ANO7: variants seen among roughly 807,000 people sequenced by gnomAD.
ANO7 encodes the protein anoctamin 7.
ANO7 carries 114 observed loss-of-function variants against 115.8 expected under a neutral mutation model. The ratio of observed to expected loss-of-function variants is 0.98; its 90% CI spans 0.85 to 1.15. The LOEUF is 1.15. Among genes scored for constraint, ANO7 ranks in the 50% most tolerant of loss-of-function variants. The pLI is 0.00. For synonymous variants in ANO7, 550 were observed against 498.2 expected, an observed-to-expected ratio of 1.10 and a Z score of -1.38; for missense variants, 1,302 against 1,201.2, an observed-to-expected ratio of 1.08 and a Z score of -1.24.
intron 3 of ANO7, among the ~76,000 whole-genome samples, chr2:241,194,756 A>C (rs1307338989): frequency 5.3e-5 from 8 of 152,172 alleles, no homozygotes; most frequent in Non-Finnish European, 1.0e-4. Context: ...ATTAACCTTC[A>C]CCATAGGAAT....
At chr2:241,213,449 T>G (rs1242724415) in intron 17 of ANO7, among the ~76,000 whole-genome samples, 1 of 152,198 alleles carries the variant, frequency 6.6e-6, no homozygotes, top group Non-Finnish European at 1.5e-5. Context: ...TGGTGGAGGA[T>G]GAAGCGTTGT....
intron 18 of ANO7, among the ~76,000 whole-genome samples, chr2:241,215,215 G>C (rs2149244083): frequency 6.6e-6 from 1 of 152,376 alleles, no homozygotes; most frequent in South Asian, 2.1e-4. Flanking sequence ...TGTCCGTTCA[G>C]AGATGCTGCG....
At position 241,190,077 on chromosome 2, in the gene ANO7, G is replaced by C; in HGVS notation, c.14G>C (p.Arg5Pro). 1 of 1,578,328 alleles carries C rather than the reference G, an allele frequency of 6.3e-7. No homozygotes were observed. The change falls in exon 2 of 25, where the codon CGG becomes CCG. Residue 5 changes from arginine to proline, a missense_variant. By Grantham distance (103) the Arg-to-Pro change is moderately radical (BLOSUM62 -2). Transcript: ENST00000674324. MLRR[R>P]AQEEDSTVLI... ...TGCAGGAGCAGGATGCTGCGGCGACGGGCCCAGGAAGAGGACAGCACCGTC... is the reference window on the plus strand; with the variant it reads ...TGCAGGAGCAGGATGCTGCGGCGACCGGCCCAGGAAGAGGACAGCACCGTC...
the ANO7 span, chr2:241,235,375 C>T: frequency 1.3e-6 from 2 of 1,504,098 alleles, no homozygotes; most frequent in South Asian, 1.2e-5. Context: ...GAAGTCAGTG[C>T]CCAGTCCGAG....
chr2:241,194,707 A>G (rs1055225348), intron 3 of ANO7, among the ~76,000 whole-genome samples: 2 of 152,194 alleles, frequency 1.3e-5, no homozygotes, highest in African/African-American at 4.8e-5. Context: ...CTGTTTTATT[A>G]TTAGTTATTG....
chr2:241,200,502 G>A (rs1035284967), intron 6 of ANO7, among the ~76,000 whole-genome samples: 1 of 152,238 alleles, frequency 6.6e-6, no homozygotes, highest in Non-Finnish European at 1.5e-5. Flanking sequence ...CGTGTGGTGG[G>A]GCGGCGCGGT....
intron 6 of ANO7, 46 bp downstream of exon 6, chr2:241,200,271 G>A: frequency 1.3e-6 from 2 of 1,588,384 alleles, no homozygotes; most frequent in Non-Finnish European, 8.6e-7. Flanking sequence ...AGGAGTGAGT[G>A]GGAGTCGGTG....
rs1429019552 is a variant in ANO7 at position 241,225,856 on chromosome 2, TAC to T, written c.*1707_*1708del. 6.6e-6 allele frequency among the ~76,000 whole-genome samples: 1 copy of T among 152,202 alleles called. No homozygotes were observed. The highest frequency in any genetic ancestry group is 1.9e-4 in the East Asian group (1 of 5,188). Reference sequence around the variant, plus strand: ...CCCGGGGCGGGAACCTTGGAAACTTTACACAGATGGGGAGCTCAGCCATTCCA... The same window carrying T: ...CCCGGGGCGGGAACCTTGGAAACTTTACAGATGGGGAGCTCAGCCATTCCA... On this transcript the variant is annotated 3_prime_UTR_variant, in exon 25 of 25. Coordinates refer to ENST00000674324, the MANE Select transcript of ANO7 (RefSeq NM_001370694.2).
rs199899635 is a variant in ANO7 at position 241,191,209 on chromosome 2, G to C, written c.124G>C (p.Ala42Pro). ...TGCCTTCCAGCCAGGTGGACAGCAA[G>C]CGGCCGCCTGCAGAGCTGGGAGTCC... The part of the protein sequence containing the change: ...AHASEPGGQQ[A>P]AACRAGSPAK... Residue 42 changes from alanine (A) to proline (P), a missense_variant, in exon 3 of 25, where the codon GCG becomes CCG. Physicochemically the swap from Ala to Pro is conservative, Grantham distance 27 (BLOSUM62 -1). Transcript: ENST00000674324. The C allele has an allele frequency of 8.7e-6, 14 of 1,613,896 alleles. No individual in the cohort carries two copies. The East Asian group carries it at 2.9e-4, about 33-fold the overall frequency.
intron 24 of ANO7, 36 bp from the exon 25 acceptor site, chr2:241,224,061 A>T (rs778252679): frequency 1.1e-5 from 17 of 1,613,238 alleles, no homozygotes; most frequent in Admixed American, 1.7e-5. Flanking sequence ...TCCTGGCCCT[A>T]GTCTGACTTG....
the ANO7 span, chr2:241,238,680 T>G: frequency 6.3e-7 from 1 of 1,581,072 alleles, no homozygotes; most frequent in East Asian, 2.3e-5. This position sits in a 1 kb window ranked among gnomAD's most constrained non-coding sequence, Gnocchi z 4.9. Context: ...GGAATTTAAT[T>G]TGAACACTGA....
Position 241,203,223 on chromosome 2 carries a change from A to T in ANO7, c.724-110A>T. The T allele has an allele frequency of 1.2e-6, 1 of 850,256 alleles. No homozygotes were observed. The highest frequency in any genetic ancestry group is 1.7e-6 in the Non-Finnish European group (1 of 585,338). 52.7% of individuals were successfully genotyped at this position (850,256 alleles called of 1,614,324 possible). On this transcript the variant is annotated intron_variant, in intron 8 of 24. Coordinates refer to ENST00000674324, the MANE Select transcript of ANO7 (RefSeq NM_001370694.2). The surrounding 1 kb of genome is among the most constrained non-coding windows in gnomAD (Gnocchi z 4.8). ...TATTTTTTCTTCATGGAGCAATCCC[A>T]GACTCCCAGGCCTGTCTGCCCATGT...
At chr2:241,235,145 C>G in the ANO7 span, 1 of 1,613,884 alleles carries the variant, frequency 6.2e-7, no homozygotes. Context: ...CGGCCTGTAG[C>G]TCCTTCACAC....
chr2:241,221,280 G>A (rs1046076744), intron 21 of ANO7, among the ~76,000 whole-genome samples: 4 of 151,630 alleles, frequency 2.6e-5, no homozygotes, highest in Non-Finnish European at 5.9e-5. Context: ...TTCACCATGT[G>A]GGCAAAGCTG....
the ANO7 span, chr2:241,236,205 A>C: frequency 8.4e-6 from 2 of 237,592 alleles, no homozygotes; most frequent in Non-Finnish European, 1.6e-5. Context: ...CACTGAGAGC[A>C]GCATCCAGTA....
intron 21 of ANO7, 92 bp downstream of exon 21, chr2:241,218,473 C>G (rs2149262933): frequency 3.4e-5 from 23 of 677,804 alleles, no homozygotes; most frequent in East Asian, 2.6e-4. Context: ...GGTGGGGAGC[C>G]GGGAGGGGCG....
In ANO7 at chr2:241,191,187, C is replaced by T. The variant is rs774850275; in HGVS notation, c.109-7C>T. ...TGATATGCTTCTCCATCCTCCATGC[C>T]TTCCAGCCAGGTGGACAGCAAGCGG... On this transcript the variant is annotated splice_polypyrimidine_tract_variant and splice_region_variant and intron_variant, in intron 2 of 24. Transcript: ENST00000674324. The T allele has an allele frequency of 6.2e-7, 1 of 1,613,918 alleles. No homozygotes were observed. The highest frequency in any genetic ancestry group is 8.5e-7 in the Non-Finnish European group (1 of 1,179,968).
Position 241,188,746 on chromosome 2 carries a change from T to C in ANO7, c.-28T>C. 6.2e-7 allele frequency: 1 copy of C among 1,613,390 alleles called. No individual in the cohort carries two copies. On this transcript the variant is annotated 5_prime_UTR_variant, in exon 1 of 25. Coordinates refer to ENST00000674324, the MANE Select transcript of ANO7 (RefSeq NM_001370694.2). The surrounding 1 kb of genome is among the most constrained non-coding windows in gnomAD (Gnocchi z 4.3). ...GGTGGGCCATGACCTCCGAGACCTC[T>C]TCCGGAAGCCACTGTGCCAGGTGGG...
At chr2:241,239,764 G>A in the ANO7 span, 2 of 1,614,150 alleles carry the variant, frequency 1.2e-6, no homozygotes, top group Non-Finnish European at 1.7e-6. The surrounding 1 kb of genome is among the most constrained non-coding windows in gnomAD (Gnocchi z 4.6). Context: ...CTCTGCGGAT[G>A]ACGAAGTGGC....
Sources: allele counts gnomAD v4.1 joint callset (sites outside exome capture counted in the v4.1 genomes callset), GRCh38; gene constraint gnomAD v4.1.1; non-coding constraint Gnocchi (gnomAD v3.1); transcripts MANE v1.5; gene names NCBI Gene and HGNC (gene_info 2026-07-23, HGNC 2026-07-21).